Variants in CHD2 observed in about 807,000 individuals in gnomAD.
The protein encoded by CHD2 is chromodomain helicase DNA binding protein 2, also known as ATP-dependent chromatin remodeler CHD2.
In CHD2, 28 loss-of-function variants were observed where a neutral mutation model predicts 243.9. The observed-to-expected ratio is 0.11, with a 90% CI of 0.09 to 0.16. The LOEUF is 0.16. CHD2 is among the 10% of genes least tolerant of loss of function. The pLI is 1.00. For synonymous variants in CHD2, 775 were observed against 779.0 expected, an observed-to-expected ratio of 0.99 and a Z score of 0.09; for missense variants, 1,386 against 2,209.8, an observed-to-expected ratio of 0.63 and a Z score of 7.47.
intron 26 of CHD2, among the ~76,000 whole-genome samples, chr15:92,989,323 T>C (rs1353884554): frequency 6.6e-6 from 1 of 152,168 alleles, no homozygotes; most frequent in South Asian, 2.1e-4. Context: ...TGAGCCACCA[T>C]GCCCAGCTTA....
intron 3 of CHD2, among the ~76,000 whole-genome samples, chr15:92,926,305 C>A (rs562254952): frequency 1.3e-5 from 2 of 152,308 alleles, no homozygotes; most frequent in African/African-American, 4.8e-5. Context: ...CTAGTGGCTT[C>A]TTTTGTGCAT....
chr15:92,948,851 T>C, intron 12 of CHD2, 101 bp from the exon 13 acceptor site: 1 of 1,375,164 alleles, frequency 7.3e-7, no homozygotes, highest in South Asian at 1.4e-5. Flanking sequence ...AAAAAGAAAT[T>C]TGAGTTTTTA....
In CHD2 at chr15:93,025,461, A is replaced by G. The variant is rs2054579377; in HGVS notation, c.*756A>G. On this transcript the variant is annotated 3_prime_UTR_variant, in exon 39 of 39. Transcript: ENST00000394196. ...CTTTTCCCACTGTGCCAGGGAAGGT[A>G]GGTTTCTCTGGCTGACTGAGTACTG... 6.6e-6 allele frequency: 1 copy of G among 152,490 alleles called. No individual in the cohort carries two copies. Among genetic ancestry groups the G allele is most frequent in the Non-Finnish European group, 1.5e-5 (1 of 68,098 alleles). 9.4% of individuals were successfully genotyped at this position (152,490 alleles called of 1,614,324 possible). A position where few individuals can be genotyped will look rare whatever the true frequency, so the allele number is the denominator to read the frequency against.
intron 14 of CHD2, among the ~76,000 whole-genome samples, chr15:92,955,123 C>G (rs953734648): frequency 3.9e-5 from 6 of 152,072 alleles, no homozygotes; most frequent in Non-Finnish European, 7.4e-5. Flanking sequence ...TTGTTGAGTT[C>G]CAATCACCAG....
intron 16 of CHD2, among the ~76,000 whole-genome samples, chr15:92,961,701 TG>T (rs1291037564): frequency 3.3e-5 from 5 of 152,196 alleles, no homozygotes; most frequent in African/African-American, 1.2e-4. Context: ...CATGAACCAC[TG>T]TGCCTGGTAG....
At position 92,978,313 on chromosome 15, in the gene CHD2, ACT is replaced by A; in HGVS notation, c.2660_2661del (p.Ser887Ter). 1 of 1,613,748 alleles carries A rather than the reference ACT, an allele frequency of 6.2e-7. No individual in the cohort carries two copies. The highest frequency in any genetic ancestry group is 8.5e-7 in the Non-Finnish European group (1 of 1,179,958). ...TCAGCGGACACAGTCGTCATCTTTG[ACT>A]CTGACTGGAACCCCCAGAATGACTT... On this transcript the variant is annotated frameshift_variant, in exon 21 of 39. Coordinates refer to ENST00000394196, the MANE Select transcript of CHD2 (RefSeq NM_001271.4). LOFTEE classifies it high-confidence loss of function.
At chr15:93,013,650 T>C (rs2054420047) in intron 36 of CHD2, among the ~76,000 whole-genome samples, 2 of 152,248 alleles carry the variant, frequency 1.3e-5, no homozygotes, top group Non-Finnish European at 2.9e-5. Flanking sequence ...ATACATTCAA[T>C]GTGGCTAGGC....
intron 35 of CHD2, among the ~76,000 whole-genome samples, chr15:93,010,693 G>C (rs573488727): frequency 6.8e-4 from 104 of 152,258 alleles, no homozygotes; most frequent in African/African-American, 2.4e-3. Context: ...CGAAATGCTG[G>C]GATTACAGGC....
chr15:92,995,165 GTCAAAATATATGTT>G (rs372116102), intron 28 of CHD2, among the ~76,000 whole-genome samples: 58 of 152,196 alleles, frequency 3.8e-4, no homozygotes, highest in African/African-American at 1.4e-3. Flanking sequence ...ACAATATAAA[GTCAAAATATATGTT>G]TAAATTATTC....
In CHD2 at chr15:92,939,713, C is replaced by T. The variant is rs752009455; in HGVS notation, c.687C>T (p.Asn229=). 5.6e-6 allele frequency: 9 copies of T among 1,613,086 alleles called. No homozygotes were observed. The highest frequency in any genetic ancestry group is 2.7e-5 in the African/African-American group (2 of 74,864). The part of the protein sequence containing the change: ...KRQTRRRAAK[N]VSYKEDDDFE... ...AGACTCGTCGAAGAGCGGCTAAAAA[C>T]GTTAGGTAAGTTGTACCCCAGAAGT... Residue 229 remains asparagine (N), a synonymous_variant, in exon 7 of 39, where the codon AAC becomes AAT. Coordinates refer to ENST00000394196, the MANE Select transcript of CHD2 (RefSeq NM_001271.4).
chr15:92,994,563 C>T (rs1346126054), intron 28 of CHD2, among the ~76,000 whole-genome samples: 1 of 152,132 alleles, frequency 6.6e-6, no homozygotes, highest in Non-Finnish European at 1.5e-5. Context: ...GCTTTTATAA[C>T]ATTCAGAATA....
chr15:93,000,527 C>G lies in CHD2; in HGVS notation c.4024C>G (p.Arg1342Gly). ...CCTTTTCCAGGCCAAATTAAAGAAG[C>G]GGAAGCCTCGGGTAAAGAAGGAAAA... ...TGGEEAKLKK[R>G]KPRVKKENKV... Residue 1342 changes from arginine (R) to glycine (G), a missense_variant, in exon 32 of 39, where the codon CGG (arginine) becomes GGG (glycine). Physicochemically the swap from Arg to Gly is moderately radical, Grantham distance 125. Around this residue, in one of 19 missense-constraint regions of CHD2, gnomAD observed 125 missense variants for 128.9 expected, o/e 0.97. Coordinates refer to ENST00000394196, the MANE Select transcript of CHD2 (RefSeq NM_001271.4). 1.2e-6 allele frequency: 2 copies of G among 1,609,090 alleles called. No individual in the cohort carries two copies. Among genetic ancestry groups the G allele is most frequent in the South Asian group, 2.2e-5 (2 of 90,420 alleles).
chr15:92,935,990 T>C (rs2053260692), intron 5 of CHD2, among the ~76,000 whole-genome samples: 1 of 152,076 alleles, frequency 6.6e-6, no homozygotes, highest in South Asian at 2.1e-4. Flanking sequence ...TTGGCTAAAC[T>C]CTGGTACAAA....
chr15:92,941,737 G>C, intron 7 of CHD2, 85 bp from the exon 8 acceptor site: 3 of 1,374,016 alleles, frequency 2.2e-6, no homozygotes, highest in Non-Finnish European at 3.0e-6. Context: ...AAAGGGTATG[G>C]TTTCTTATTC....
chr15:92,907,009 G>T (rs1411339168), intron 2 of CHD2, among the ~76,000 whole-genome samples: 1 of 152,160 alleles, frequency 6.6e-6, no homozygotes, highest in Non-Finnish European at 1.5e-5. Context: ...CCAATGTCCA[G>T]GCTGGATTGT....
At chr15:92,972,018 C>A in intron 18 of CHD2, 91 bp downstream of exon 18, 1 of 1,339,784 alleles carries the variant, frequency 7.5e-7, no homozygotes, top group Non-Finnish European at 1.0e-6. Context: ...TTGTTGGTGA[C>A]CTATCAAGGA....
intron 5 of CHD2, among the ~76,000 whole-genome samples, chr15:92,930,221 A>T (rs1209361032): frequency 1.3e-5 from 2 of 152,142 alleles, no homozygotes; most frequent in African/African-American, 4.8e-5. Flanking sequence ...CACCTTGATT[A>T]CACCCTGGGA....
At chr15:92,978,942 C>G (rs1202614309) in intron 21 of CHD2, among the ~76,000 whole-genome samples, 193 bp from the exon 22 acceptor site, 2 of 152,144 alleles carry the variant, frequency 1.3e-5, no homozygotes, top group Non-Finnish European at 2.9e-5. Flanking sequence ...AAGACTGTAA[C>G]CTGCTGCACA....
rs770837122 is a variant in CHD2 at position 93,002,300 on chromosome 15, A to G, written c.4261A>G (p.Lys1421Glu). Residue 1421 changes from lysine to glutamate, a missense_variant, in exon 33 of 39, where the codon AAA becomes GAA. By Grantham distance (56) the Lys-to-Glu change is moderately conservative (BLOSUM62 1). Transcript: ENST00000394196. Reference sequence around the variant, plus strand: ...AGGGGACAAGGAAAGAAAGAAGTCAAAAGATAAGAAAGAGAAGGTAATGAT... The same window carrying G: ...AGGGGACAAGGAAAGAAAGAAGTCAGAAGATAAGAAAGAGAAGGTAATGAT... ...KEGDKERKKS[K>E]DKKEKPKSGD... 1 of 1,596,190 alleles carries G rather than the reference A, an allele frequency of 6.3e-7. No individual in the cohort carries two copies. Among genetic ancestry groups the G allele is most frequent in the Non-Finnish European group, 8.5e-7 (1 of 1,175,414 alleles).
Sources: allele counts gnomAD v4.1 joint callset (sites outside exome capture counted in the v4.1 genomes callset), GRCh38; gene constraint gnomAD v4.1.1; regional missense constraint gnomAD v4.1.1; transcripts MANE v1.5; gene names NCBI Gene and HGNC (gene_info 2026-07-23, HGNC 2026-07-21).